Variants in CTNNBIP1 observed in about 807,000 individuals in gnomAD.
CTNNBIP1 encodes the protein catenin beta interacting protein 1.
CTNNBIP1 carries 7 observed loss-of-function variants against 11.8 expected under a neutral mutation model. The ratio of observed to expected loss-of-function variants is 0.60; its 90% confidence interval spans 0.34 to 1.12. CTNNBIP1 has a LOEUF of 1.12. Among genes scored for constraint, CTNNBIP1 ranks in the 50% most tolerant of loss-of-function variants. CTNNBIP1 has a pLI of 0.03. For synonymous variants in CTNNBIP1, 58 were observed against 43.9 expected, an observed-to-expected ratio of 1.32 and a Z score of -1.26; for missense variants, 101 against 113.4, an observed-to-expected ratio of 0.89 and a Z score of 0.50.
chr1:9,909,018 G>C lies in CTNNBIP1; in HGVS notation c.-144+1077C>G, dbSNP rs539247204. 2.6e-5 allele frequency among the ~76,000 whole-genome samples: 4 copies of C among 152,318 alleles called. No homozygotes were observed. The South Asian group carries it at 8.3e-4, about 32-fold the overall frequency. ...TCCAAAGTCCTACTTTAAATCTGAG[G>C]AAGCTGCTGGTATCTCTGGACATTT... On this transcript the variant is annotated intron_variant, in intron 1 of 5. Transcript: ENST00000377263.
At chr1:9,876,845 T>TACACACACACACACACAC (rs34192085) in intron 3 of CTNNBIP1, among the ~76,000 whole-genome samples, 21 of 138,210 alleles carry the variant, frequency 1.5e-4, no homozygotes, top group Non-Finnish European at 2.9e-4. Flanking sequence ...CTGCTATACA[T>TACACACACACACACACAC]ACACACACAC....
At chr1:9,863,650 C>T (rs990951655) in intron 5 of CTNNBIP1, among the ~76,000 whole-genome samples, 5 of 152,320 alleles carry the variant, frequency 3.3e-5, no homozygotes, top group South Asian at 2.1e-4. Flanking sequence ...ATGGTGAACA[C>T]GGCACAGACC....
intron 3 of CTNNBIP1, among the ~76,000 whole-genome samples, chr1:9,875,137 C>G (rs926531549): frequency 6.6e-6 from 1 of 152,206 alleles, no homozygotes; most frequent in African/African-American, 2.4e-5. Flanking sequence ...TTCGAGCCGA[C>G]CAGTCCTTAG....
chr1:9,864,183 G>A (rs1638692825), intron 5 of CTNNBIP1, among the ~76,000 whole-genome samples: 1 of 152,146 alleles, frequency 6.6e-6, no homozygotes, highest in Non-Finnish European at 1.5e-5. Context: ...CCCGGTGCCA[G>A]CACACAGCTC....
At chr1:9,878,644 G>A (rs1232768700) in intron 2 of CTNNBIP1, among the ~76,000 whole-genome samples, 1 of 152,198 alleles carries the variant, frequency 6.6e-6, no homozygotes, top group Non-Finnish European at 1.5e-5. Flanking sequence ...CTCCTACACA[G>A]GAGCTCATCG....
chr1:9,906,127 A>T (rs138202639), intron 1 of CTNNBIP1, among the ~76,000 whole-genome samples: 2 of 152,234 alleles, frequency 1.3e-5, no homozygotes, highest in African/African-American at 4.8e-5. Flanking sequence ...CTCCATGAGG[A>T]AAGTATTACT....
chr1:9,907,578 G>A lies in CTNNBIP1; in HGVS notation c.-144+2517C>T, dbSNP rs111630388. 7.0e-4 allele frequency among the ~76,000 whole-genome samples: 107 copies of A among 152,250 alleles called. 1 individual carries two copies. Among genetic ancestry groups the A allele is most frequent in the African/African-American group, 2.3e-3 (97 of 41,548 alleles). ...AACATCTTCCAACAGTGGCAGTAAT[G>A]TTCCCATTTAAACAATACAACCGGA... On this transcript the variant is annotated intron_variant, in intron 1 of 5. Transcript: ENST00000377263.
chr1:9,877,491 G>C (rs1190275557), intron 3 of CTNNBIP1, among the ~76,000 whole-genome samples: 2 of 152,218 alleles, frequency 1.3e-5, no homozygotes, highest in Non-Finnish European at 2.9e-5. Flanking sequence ...GAGCAAAGCT[G>C]CTCCTTCAGA....
chr1:9,874,915 C>T (rs1338329942), intron 3 of CTNNBIP1, among the ~76,000 whole-genome samples: 2 of 152,206 alleles, frequency 1.3e-5, no homozygotes, highest in African/African-American at 4.8e-5. Flanking sequence ...TGAAATGCTC[C>T]GTAAAGCCTT....
intron 5 of CTNNBIP1, among the ~76,000 whole-genome samples, chr1:9,863,083 C>T (rs1323709765): frequency 6.6e-6 from 1 of 152,030 alleles, no homozygotes; most frequent in East Asian, 1.9e-4. Flanking sequence ...GAGCCGCAGC[C>T]AGGTGCTGAG....
chr1:9,909,134 T>G (rs888191375), intron 1 of CTNNBIP1, among the ~76,000 whole-genome samples: 4 of 152,220 alleles, frequency 2.6e-5, no homozygotes, highest in Non-Finnish European at 5.9e-5. Flanking sequence ...CCAAGGCTCC[T>G]GCGAACAGAA....
At chr1:9,880,794 C>G (rs760305373) in intron 2 of CTNNBIP1, among the ~76,000 whole-genome samples, 19 of 152,188 alleles carry the variant, frequency 1.2e-4, no homozygotes, top group Non-Finnish European at 1.9e-4. Flanking sequence ...TAACTAGATT[C>G]AGTTTTCAGT....
At chr1:9,890,256 T>C (rs1639274480) in intron 1 of CTNNBIP1, among the ~76,000 whole-genome samples, 1 of 152,106 alleles carries the variant, frequency 6.6e-6, no homozygotes, top group South Asian at 2.1e-4. Flanking sequence ...CAGGAAGGCA[T>C]GTGGAGCCTG....
intron 1 of CTNNBIP1, among the ~76,000 whole-genome samples, chr1:9,903,964 C>A (rs1269956754): frequency 6.6e-6 from 1 of 152,198 alleles, no homozygotes. Flanking sequence ...AAACACTTTA[C>A]TTAACTTTTC....
chr1:9,865,089 C>T (rs1414359270), intron 5 of CTNNBIP1, among the ~76,000 whole-genome samples: 1 of 152,036 alleles, frequency 6.6e-6, no homozygotes, highest in Non-Finnish European at 1.5e-5. Flanking sequence ...ATTAGCTGGG[C>T]ATGGTGACAT....
intron 1 of CTNNBIP1, among the ~76,000 whole-genome samples, chr1:9,899,839 C>T (rs1248666143): frequency 3.9e-5 from 6 of 151,918 alleles, no homozygotes; most frequent in East Asian, 1.9e-4. Flanking sequence ...TTTGGGAGGC[C>T]GAGGTGGGTG....
intron 5 of CTNNBIP1, among the ~76,000 whole-genome samples, chr1:9,858,292 C>G (rs1293909540): frequency 6.6e-6 from 1 of 152,132 alleles, no homozygotes; most frequent in Non-Finnish European, 1.5e-5. Flanking sequence ...CCTACCATGC[C>G]TTTGCTCAAA....
At chr1:9,908,537 G>A (rs1639667366) in intron 1 of CTNNBIP1, among the ~76,000 whole-genome samples, 1 of 150,746 alleles carries the variant, frequency 6.6e-6, no homozygotes, top group Non-Finnish European at 1.5e-5. Context: ...ACCACGCCCA[G>A]CTAATTTTTT....
At chr1:9,884,950 G>A (rs1254023482) in intron 1 of CTNNBIP1, among the ~76,000 whole-genome samples, 2 of 152,150 alleles carry the variant, frequency 1.3e-5, no homozygotes, top group African/African-American at 4.8e-5. Context: ...CCAGGCAGAA[G>A]AGGGGACAGG....
Sources: gnomAD v4.1 joint callset for allele counts (sites outside exome capture counted in the v4.1 genomes callset) on GRCh38, gnomAD v4.1.1 for gene constraint, MANE v1.5 for transcripts, NCBI Gene and HGNC (gene_info 2026-07-23, HGNC 2026-07-21) for gene names.